Variants in MCC observed in about 807,000 individuals in gnomAD.
The protein encoded by MCC is MCC regulator of Wnt signaling pathway, also known as colorectal mutant cancer protein.
In MCC, 90 loss-of-function variants were observed where a neutral mutation model predicts 116.2. That is an observed-to-expected ratio of 0.77 (90% CI 0.65 to 0.92). The LOEUF is 0.92. Ranked by LOEUF, MCC falls within the 40% of genes least tolerant of loss-of-function variation. MCC has a pLI of 0.00. For missense variants in MCC, 1,516 were observed against 1,312.2 expected, an observed-to-expected ratio of 1.16 and a Z score of -2.40; for synonymous variants, 578 against 510.5, an observed-to-expected ratio of 1.13 and a Z score of -1.78.
intron 3 of MCC, among the ~76,000 whole-genome samples, chr5:113,246,589 T>C (rs1400343090): frequency 2.6e-5 from 4 of 152,332 alleles, no homozygotes; most frequent in African/African-American, 9.6e-5. Context: ...CTATTTTGGA[T>C]ACAGAGGCTG....
intron 2 of MCC, among the ~76,000 whole-genome samples, chr5:113,363,333 G>A (rs1768596783): frequency 1.3e-5 from 2 of 152,154 alleles, no homozygotes; most frequent in Admixed American, 6.5e-5. Flanking sequence ...AATTTATAAA[G>A]AAGAAATTTA....
intron 6 of MCC, 106 bp downstream of exon 6, chr5:113,122,578 C>T: frequency 2.2e-6 from 3 of 1,340,694 alleles, no homozygotes; most frequent in Admixed American, 2.2e-5. Flanking sequence ...ACTCAGCAAA[C>T]CCCTTGAAAA....
chr5:113,101,420 T>C (rs576796671), intron 8 of MCC: 2 of 281,146 alleles, frequency 7.1e-6, no homozygotes, highest in East Asian at 1.6e-4. Context: ...TATTAGTTTA[T>C]CCTAAAGAAC....
At chr5:113,256,738 C>T (rs1168618992) in intron 3 of MCC, among the ~76,000 whole-genome samples, 1 of 152,186 alleles carries the variant, frequency 6.6e-6, no homozygotes, top group African/African-American at 2.4e-5. Context: ...GCAGACACTG[C>T]TACCTACCTG....
chr5:113,338,012 T>C lies in MCC; in HGVS notation c.627+2507A>G, dbSNP rs576083119. On this transcript the variant is annotated intron_variant, in intron 3 of 18. Coordinates refer to ENST00000408903, the MANE Select transcript of MCC (RefSeq NM_001085377.2). ...CGTATCTGACAGAAGGACTCTAGAG[T>C]TGCATGACAAATGGTGAAGACACAG... Among the ~76,000 whole-genome samples, 7 of 152,036 alleles carry C rather than the reference T, an allele frequency of 4.6e-5. No individual in the cohort carries two copies. In the East Asian group the frequency reaches 1.2e-3, roughly 25 times the overall value.
At chr5:113,262,740 G>C (rs9686151) in intron 3 of MCC, among the ~76,000 whole-genome samples, 4,135 of 152,174 alleles carry the variant, frequency 0.027, 197 homozygotes, top group African/African-American at 0.096. Context: ...AGAGTCATCT[G>C]GAGGGCCTAT....
chr5:113,340,723 T>C lies in MCC; in HGVS notation c.423A>G (p.Leu141=), dbSNP rs1173688169. 1.9e-6 allele frequency: 3 copies of C among 1,613,088 alleles called. No individual in the cohort carries two copies. Among genetic ancestry groups the C allele is most frequent in the Non-Finnish European group, 1.7e-6 (2 of 1,179,900 alleles). ...PTSSDNSLGA[L]SAARESWEYD... is the part of the protein sequence containing the mutation. ...ATTCCCAGCTCTCCCTGGCTGCTGA[T>C]AAGGCACCTAAGTCCGAGAGAAGCA... The change falls in exon 3 of 19, where the codon TTA becomes TTG. Residue 141 remains leucine, a synonymous_variant. Coordinates refer to ENST00000408903, the MANE Select transcript of MCC (RefSeq NM_001085377.2).
At chr5:113,316,726 C>A (rs1199752216) in intron 3 of MCC, among the ~76,000 whole-genome samples, 1 of 152,174 alleles carries the variant, frequency 6.6e-6, no homozygotes, top group Non-Finnish European at 1.5e-5. Context: ...CATATGCTAG[C>A]TTTGTATCAA....
At position 113,084,131 on chromosome 5, in the gene MCC, T is replaced by C; in HGVS notation, c.1605A>G (p.Pro535=). The C allele has an allele frequency of 6.2e-7, 1 of 1,614,218 alleles. No individual in the cohort carries two copies. Among genetic ancestry groups the C allele is most frequent in the Non-Finnish European group, 8.5e-7 (1 of 1,180,016 alleles). Residue 535 remains proline (P), a synonymous_variant, in exon 10 of 19, where the codon CCA becomes CCG. Coordinates refer to ENST00000408903, the MANE Select transcript of MCC (RefSeq NM_001085377.2). ...TRSESSSSDR[P]VLGSEISSIG... ...TGCTACTGATTTCTGAGCCCAGGAC[T>C]GGCCGATCAGATGATGACGATTCGG...
intron 1 of MCC, among the ~76,000 whole-genome samples, chr5:113,463,975 G>A (rs1771828549): frequency 6.6e-6 from 1 of 152,146 alleles, no homozygotes; most frequent in Non-Finnish European, 1.5e-5. Context: ...AAGACTGTGG[G>A]GTCTTGGCAG....
At chr5:113,244,647 T>G (rs776829941) in intron 3 of MCC, among the ~76,000 whole-genome samples, 1 of 152,216 alleles carries the variant, frequency 6.6e-6, no homozygotes, top group Admixed American at 6.5e-5. Flanking sequence ...ACAAAATTAG[T>G]GCAAGTCTGT....
intron 1 of MCC, among the ~76,000 whole-genome samples, chr5:113,453,519 C>T (rs1455834696): frequency 6.6e-6 from 1 of 152,192 alleles, no homozygotes; most frequent in Non-Finnish European, 1.5e-5. Context: ...CCTCCACCTC[C>T]CTCAGCAAAG....
chr5:113,290,877 AT>A (rs1330415283), intron 3 of MCC, among the ~76,000 whole-genome samples: 1 of 152,216 alleles, frequency 6.6e-6, no homozygotes, highest in Non-Finnish European at 1.5e-5. Flanking sequence ...TTAAAAAAAA[AT>A]CCCTTCAAAT....
chr5:113,321,623 C>T (rs182359005), intron 3 of MCC, among the ~76,000 whole-genome samples: 2 of 152,326 alleles, frequency 1.3e-5, no homozygotes, highest in East Asian at 3.9e-4. Flanking sequence ...TAAGAAGATG[C>T]TGTCTTTTAT....
At chr5:113,254,612 TAACCA>T (rs1764937390) in intron 3 of MCC, among the ~76,000 whole-genome samples, 1 of 152,194 alleles carries the variant, frequency 6.6e-6, no homozygotes, top group South Asian at 2.1e-4. Context: ...CCTAAGCCAC[TAACCA>T]AATGTAAAGA....
At chr5:113,121,148 A>G (rs1757711742) in intron 6 of MCC, among the ~76,000 whole-genome samples, 2 of 152,090 alleles carry the variant, frequency 1.3e-5, no homozygotes, top group South Asian at 4.2e-4. Context: ...AGCTGCCACC[A>G]CCCTAATCTG....
chr5:113,225,978 G>A lies in MCC; in HGVS notation c.628-74556C>T, dbSNP rs1228882751. On this transcript the variant is annotated intron_variant, in intron 3 of 18. Transcript: ENST00000408903. The stretch of plus-strand genomic sequence containing the variant: ...ACTTGAGGCCAGGGGTTCCAGACCA[G>A]ACTGGCCAGCATGGCAAAACCCTGT... Among the ~76,000 whole-genome samples the A allele has an allele frequency of 2.0e-5, 3 of 152,372 alleles. No individual in the cohort carries two copies. In the East Asian group the frequency reaches 5.8e-4, roughly 29 times the overall value.
intron 1 of MCC, among the ~76,000 whole-genome samples, chr5:113,460,626 T>G (rs192086528): frequency 2.0e-5 from 3 of 152,182 alleles, no homozygotes; most frequent in South Asian, 2.1e-4. Flanking sequence ...GTGTGCCTTG[T>G]GCTCACAGAG....
intron 15 of MCC, among the ~76,000 whole-genome samples, chr5:113,050,075 A>G (rs1010848063): frequency 6.6e-6 from 1 of 152,250 alleles, no homozygotes; most frequent in Non-Finnish European, 1.5e-5. Flanking sequence ...AAGTGTTCAC[A>G]TGACGTGGCT....
Sources: gnomAD v4.1 joint callset for allele counts (sites outside exome capture counted in the v4.1 genomes callset) on GRCh38, gnomAD v4.1.1 for gene constraint, MANE v1.5 for transcripts, NCBI Gene and HGNC (gene_info 2026-07-23, HGNC 2026-07-21) for gene names.